The following B3GALT5 variants were observed in gnomAD, a reference collection of about 807,000 sequenced individuals.
The protein encoded by B3GALT5 is UDP-Gal:betaGlcNAc beta 1,3-galactosyltransferase, polypeptide 5.
For missense variants in B3GALT5, 328 were observed against 396.6 expected, an observed-to-expected ratio of 0.83 and a Z score of 1.47; for synonymous variants, 156 against 158.6, an observed-to-expected ratio of 0.98 and a Z score of 0.12.
At chr21:39,648,408 C>G (rs1408315222) in intron 2 of B3GALT5, among the ~76,000 whole-genome samples, 1 of 152,180 alleles carries the variant, frequency 6.6e-6, no homozygotes, top group Non-Finnish European at 1.5e-5. Flanking sequence ...TGTGCACCTT[C>G]TCTTTCTCAC....
At chr21:39,637,169 T>G (rs1176988205) in intron 1 of B3GALT5, among the ~76,000 whole-genome samples, 2 of 152,356 alleles carry the variant, frequency 1.3e-5, no homozygotes, top group East Asian at 1.9e-4. Context: ...TTCCGAGTCC[T>G]AAAACAGAGG....
intron 1 of B3GALT5, among the ~76,000 whole-genome samples, chr21:39,643,739 G>A (rs186685604): frequency 2.6e-5 from 4 of 152,278 alleles, no homozygotes; most frequent in African/African-American, 7.2e-5. Context: ...GCTTAAAGAG[G>A]GGGGAGAGAT....
At chr21:39,635,769 C>T (rs536468272) in intron 1 of B3GALT5, among the ~76,000 whole-genome samples, 22 of 152,254 alleles carry the variant, frequency 1.4e-4, no homozygotes, top group South Asian at 4.2e-4. Flanking sequence ...TGTGAGCCAC[C>T]GCACCTGGCC....
chr21:39,657,888 T>C lies in B3GALT5; in HGVS notation c.-160-1865T>C, dbSNP rs1350187660. 7 of 1,231,632 alleles carry C rather than the reference T, an allele frequency of 5.7e-6. No homozygotes were observed. In the Admixed American group the frequency reaches 2.1e-4, roughly 37 times the overall value. 76.3% of individuals were successfully genotyped at this position (1,231,632 alleles called of 1,614,324 possible). A position where few individuals can be genotyped will look rare whatever the true frequency, so the allele number is the denominator to read the frequency against. On this transcript the variant is annotated intron_variant, in intron 2 of 3. Coordinates refer to ENST00000684187, the MANE Select transcript of B3GALT5 (RefSeq NM_001356336.2). ...ATACAGCCTGGTGGTCTAGATGTGT[T>C]TGGAGGTAGGGCTTCTGTAGCACAG...
rs1023930075 is a variant in B3GALT5, at chr21:39,669,225, A to G, written c.*7733A>G. 1 of 152,182 alleles carries G rather than the reference A, an allele frequency of 6.6e-6. No individual in the cohort carries two copies. Among genetic ancestry groups the G allele is most frequent in the African/African-American group, 2.4e-5 (1 of 41,446 alleles). 9.4% of individuals were successfully genotyped at this position (152,182 alleles called of 1,614,324 possible). A position where few individuals can be genotyped will look rare whatever the true frequency, so the allele number is the denominator to read the frequency against. ...GAATATGTGAAAATCTGAATGAGGT[A>G]AAAGAAGTTGGAGCTGGAAGATGCC... On this transcript the variant is annotated 3_prime_UTR_variant, in exon 4 of 4. Transcript: ENST00000684187.
At position 39,670,362 on chromosome 21, in the gene B3GALT5, G is replaced by T. The variant is rs1360304598; in HGVS notation, c.*8870G>T. ...CGTGTCCATGAAGGGCAGTGGAAGA[G>T]CAAGGGGCGGTTTAATTACCTGGGA... is the stretch of plus-strand genomic sequence containing the variant. On this transcript the variant is annotated 3_prime_UTR_variant, in exon 4 of 4. Coordinates refer to ENST00000684187, the MANE Select transcript of B3GALT5 (RefSeq NM_001356336.2). 1 of 152,204 alleles carries T rather than the reference G, an allele frequency of 6.6e-6. No homozygotes were observed. Among genetic ancestry groups the T allele is most frequent in the Non-Finnish European group, 1.5e-5 (1 of 68,036 alleles). 9.4% of individuals were successfully genotyped at this position (152,204 alleles called of 1,614,324 possible).
chr21:39,652,047 C>T (rs2079400442), intron 2 of B3GALT5, among the ~76,000 whole-genome samples: 2 of 152,162 alleles, frequency 1.3e-5, no homozygotes, highest in Non-Finnish European at 2.9e-5. Flanking sequence ...CTGGAAAGAG[C>T]CTACTTCCCA....
chr21:39,629,706 C>A (rs984969622), intron 1 of B3GALT5, among the ~76,000 whole-genome samples: 1 of 152,116 alleles, frequency 6.6e-6, no homozygotes, highest in African/African-American at 2.4e-5. Flanking sequence ...TATAAATAAT[C>A]TGTTATTGCA....
At chr21:39,657,023 A>G (rs1036906254) in intron 2 of B3GALT5, among the ~76,000 whole-genome samples, 1 of 152,218 alleles carries the variant, frequency 6.6e-6, no homozygotes, top group Non-Finnish European at 1.5e-5. Context: ...GGATACACTC[A>G]GAGGAGCCTG....
intron 1 of B3GALT5, among the ~76,000 whole-genome samples, chr21:39,614,576 G>A (rs1291603813): frequency 6.6e-6 from 1 of 152,144 alleles, no homozygotes; most frequent in Non-Finnish European, 1.5e-5. Context: ...TTTAATAGTT[G>A]GTTTTATGAG....
intron 2 of B3GALT5, among the ~76,000 whole-genome samples, chr21:39,650,124 G>A (rs544315958): frequency 2.0e-5 from 3 of 152,334 alleles, no homozygotes; most frequent in African/African-American, 7.2e-5. Flanking sequence ...TCCCGAGGCA[G>A]TGGAAGGGCC....
chr21:39,660,840 T>G lies in B3GALT5; in HGVS notation c.281T>G (p.Phe94Cys). 1 of 1,609,098 alleles carries G rather than the reference T, an allele frequency of 6.2e-7. No homozygotes were observed. Among genetic ancestry groups the G allele is most frequent in the Non-Finnish European group, 8.5e-7 (1 of 1,177,710 alleles). The change falls in exon 4 of 4, where the codon TTC becomes TGC. Residue 94 changes from phenylalanine to cysteine, a missense_variant. By Grantham distance (205) the Phe-to-Cys change is radical (BLOSUM62 -2). Transcript: ENST00000684187. ...RMVKGKQLKT[F>C]FLLGTTSSAA... Reference sequence around the variant, plus strand: ...GTGAAGGGAAAGCAGCTGAAGACATTCTTCCTCCTGGGGACCACCAGCAGT... The same window carrying G: ...GTGAAGGGAAAGCAGCTGAAGACATGCTTCCTCCTGGGGACCACCAGCAGT...
At chr21:39,639,393 T>TTCC (rs1569212324) in intron 1 of B3GALT5, among the ~76,000 whole-genome samples, 24 of 95,610 alleles carry the variant, frequency 2.5e-4, no homozygotes, top group African/African-American at 8.4e-4. Flanking sequence ...CTTCCTTCCT[T>TTCC]CTTTCTTTTT....
chr21:39,655,450 G>A (rs1399596497), intron 2 of B3GALT5, among the ~76,000 whole-genome samples: 2 of 152,164 alleles, frequency 1.3e-5, no homozygotes, highest in African/African-American at 4.8e-5. Flanking sequence ...GGAGGACTTG[G>A]GGTTGCCAGC....
At chr21:39,643,201 G>A (rs929241812) in intron 1 of B3GALT5, among the ~76,000 whole-genome samples, 1 of 152,110 alleles carries the variant, frequency 6.6e-6, no homozygotes, top group Non-Finnish European at 1.5e-5. Flanking sequence ...AGATGCTGAC[G>A]GAGATGGGCA....
intron 1 of B3GALT5, among the ~76,000 whole-genome samples, chr21:39,629,401 A>C (rs1602261644): frequency 6.6e-6 from 1 of 152,328 alleles, no homozygotes; most frequent in Middle Eastern, 3.4e-3. Flanking sequence ...TATGTTGATT[A>C]GATACACTGG....
intron 1 of B3GALT5, among the ~76,000 whole-genome samples, chr21:39,618,029 C>T (rs766663939): frequency 1.3e-5 from 2 of 151,976 alleles, no homozygotes; most frequent in African/African-American, 4.8e-5. Context: ...GTGGCATGCA[C>T]CTGTAGTCCT....
intron 1 of B3GALT5, among the ~76,000 whole-genome samples, chr21:39,643,586 T>C (rs1352309893): frequency 6.6e-6 from 1 of 152,212 alleles, no homozygotes; most frequent in Non-Finnish European, 1.5e-5. Flanking sequence ...TGAATTTGCG[T>C]TTCCTCTTTC....
intron 2 of B3GALT5, among the ~76,000 whole-genome samples, chr21:39,658,682 G>A (rs1051853643): frequency 6.6e-6 from 1 of 152,080 alleles, no homozygotes; most frequent in African/African-American, 2.4e-5. Flanking sequence ...GCAGCATCCT[G>A]GAGCACCAGT....
Sources: allele counts gnomAD v4.1 joint callset (sites outside exome capture counted in the v4.1 genomes callset), GRCh38; gene constraint gnomAD v4.1.1; transcripts MANE v1.5; gene names NCBI Gene and HGNC (gene_info 2026-07-23, HGNC 2026-07-21).